The following PRTFDC1 variants were observed in gnomAD, a reference collection of about 807,000 sequenced individuals.
PRTFDC1 encodes the protein phosphoribosyl transferase domain containing 1, also known as phosphoribosyltransferase domain-containing protein 1.
In PRTFDC1, 38 loss-of-function variants were observed where a neutral mutation model predicts 34.6. The observed-to-expected ratio is 1.10, with a 90% CI of 0.85 to 1.44. The LOEUF is 1.44. Among genes scored for constraint, PRTFDC1 ranks in the 40% most tolerant of loss-of-function variants. The pLI, the probability that PRTFDC1 is intolerant of heterozygous loss-of-function variation, is 0.00. For missense variants in PRTFDC1, 270 were observed against 283.0 expected (o/e 0.95, Z 0.33); for synonymous variants, 93 against 98.1 (o/e 0.95, Z 0.31).
intron 3 of PRTFDC1, among the ~76,000 whole-genome samples, chr10:24,924,974 T>C (rs1337816013): frequency 1.3e-5 from 2 of 152,212 alleles, no homozygotes; most frequent in Non-Finnish European, 2.9e-5. Flanking sequence ...ACTGGGTATA[T>C]ACCCAAAGGA....
At chr10:24,882,227 A>G (rs1471840865) in intron 3 of PRTFDC1, among the ~76,000 whole-genome samples, 2 of 151,496 alleles carry the variant, frequency 1.3e-5, no homozygotes, top group Admixed American at 1.3e-4. Context: ...AAAGAAAAGA[A>G]AAGAAAAAGA....
At chr10:24,944,785 GAAAAAT>G (rs1380541420) in intron 1 of PRTFDC1, among the ~76,000 whole-genome samples, 1 of 151,972 alleles carries the variant, frequency 6.6e-6, no homozygotes, top group Non-Finnish European at 1.5e-5. Context: ...CTTGTCTCTC[GAAAAAT>G]AAAAATAAAA....
intron 3 of PRTFDC1, among the ~76,000 whole-genome samples, chr10:24,916,330 C>A (rs549273148): frequency 1.4e-4 from 21 of 152,306 alleles, no homozygotes; most frequent in Admixed American, 4.6e-4. Context: ...CTATTCTCAG[C>A]ACCACACACA....
intron 1 of PRTFDC1, among the ~76,000 whole-genome samples, chr10:24,943,707 G>T (rs1201670121): frequency 2.0e-5 from 3 of 151,974 alleles, no homozygotes; most frequent in Non-Finnish European, 4.4e-5. Context: ...GTGCCACCAT[G>T]CCCAGCTAAT....
intron 3 of PRTFDC1, among the ~76,000 whole-genome samples, chr10:24,924,571 A>T (rs572356689): frequency 6.6e-6 from 1 of 152,232 alleles, no homozygotes; most frequent in Non-Finnish European, 1.5e-5. Flanking sequence ...CAATCTACCC[A>T]TCTGACAAAG....
intron 3 of PRTFDC1, among the ~76,000 whole-genome samples, chr10:24,884,681 G>A (rs1186113174): frequency 6.6e-6 from 1 of 152,208 alleles, no homozygotes; most frequent in Admixed American, 6.5e-5. Flanking sequence ...CATGTATGCT[G>A]AAGTAGGCCT....
At chr10:24,912,268 CAAAAAAAAAAAAAA>C (rs58294462) in intron 3 of PRTFDC1, among the ~76,000 whole-genome samples, 3 of 53,942 alleles carry the variant, frequency 5.6e-5, no homozygotes, top group African/African-American at 2.1e-4. Context: ...GACTTCATCT[CAAAAAAAAAAAAAA>C]AAAAAAAAAA....
intron 3 of PRTFDC1, among the ~76,000 whole-genome samples, chr10:24,873,342 A>G (rs10828716): frequency 0.12 from 18,500 of 152,208 alleles, 1,412 homozygotes; most frequent in South Asian, 0.22. Context: ...CAGCCTCATT[A>G]CAGACCCACA....
rs1307543853 is a variant in PRTFDC1, at chr10:24,882,175, C to T, written c.340-10112G>A. On this transcript the variant is annotated intron_variant, in intron 3 of 8. Transcript: ENST00000320152. The stretch of plus-strand genomic sequence containing the variant: ...TGAGTCGAGATCTTGCCACTTCACT[C>T]CAGCCTGGGTGACAGAGCGGATCTG... 2.1e-5 allele frequency among the ~76,000 whole-genome samples: 3 copies of T among 143,122 alleles called. No homozygotes were observed. In the East Asian group the frequency reaches 6.0e-4, roughly 29 times the overall value. 93.9% of individuals were successfully genotyped at this position (143,122 alleles called of 152,430 possible). A position where few individuals can be genotyped will look rare whatever the true frequency, so the allele number is the denominator to read the frequency against.
intron 3 of PRTFDC1, among the ~76,000 whole-genome samples, chr10:24,880,267 T>G (rs1279605208): frequency 3.1e-4 from 47 of 151,856 alleles, no homozygotes; most frequent in Admixed American, 3.0e-3. Flanking sequence ...TTTTTTTTTT[T>G]GTTGAGACAG....
At chr10:24,867,480 T>C (rs545648226) in intron 4 of PRTFDC1, among the ~76,000 whole-genome samples, 10 of 152,344 alleles carry the variant, frequency 6.6e-5, no homozygotes, top group African/African-American at 1.9e-4. Flanking sequence ...TCCTGTTTGC[T>C]TTGCTGAGCA....
chr10:24,940,376 T>G (rs906110913), intron 2 of PRTFDC1, among the ~76,000 whole-genome samples: 21 of 152,146 alleles, frequency 1.4e-4, no homozygotes, highest in South Asian at 2.1e-4. Flanking sequence ...TATAGTTCAA[T>G]AAGAAGATGA....
chr10:24,857,775 T>C (rs1565256608), intron 5 of PRTFDC1, among the ~76,000 whole-genome samples: 1 of 151,848 alleles, frequency 6.6e-6, no homozygotes, highest in Non-Finnish European at 1.5e-5. Context: ...TTTTTTGCTG[T>C]TTGATGAGAC....
chr10:24,896,125 T>A (rs553891453), intron 3 of PRTFDC1, among the ~76,000 whole-genome samples: 1 of 152,194 alleles, frequency 6.6e-6, no homozygotes, highest in South Asian at 2.1e-4. Context: ...AACCCCAGGC[T>A]GTGGATTGGT....
At chr10:24,929,001 A>G (rs1848927144) in intron 3 of PRTFDC1, among the ~76,000 whole-genome samples, 1 of 145,458 alleles carries the variant, frequency 6.9e-6, no homozygotes, top group East Asian at 2.1e-4. Flanking sequence ...GATCGCAGCC[A>G]CTGCACTCCA....
At chr10:24,854,298 C>T (rs1025234605) in intron 7 of PRTFDC1, among the ~76,000 whole-genome samples, 2 of 152,104 alleles carry the variant, frequency 1.3e-5, no homozygotes, top group Non-Finnish European at 2.9e-5. Context: ...CCAGATTATA[C>T]CTTTGATAAT....
At chr10:24,851,931 C>T (rs748988286) in intron 7 of PRTFDC1, among the ~76,000 whole-genome samples, 1 of 151,932 alleles carries the variant, frequency 6.6e-6, no homozygotes, top group South Asian at 2.1e-4. Context: ...CCGCTGTACT[C>T]AGTGTCTTGG....
intron 3 of PRTFDC1, among the ~76,000 whole-genome samples, chr10:24,873,571 C>T (rs1847913106): frequency 6.6e-6 from 1 of 152,214 alleles, no homozygotes; most frequent in Non-Finnish European, 1.5e-5. Context: ...AAGAGGCCCT[C>T]CCTCTTCCTG....
At chr10:24,927,707 G>A (rs905127983) in intron 3 of PRTFDC1, among the ~76,000 whole-genome samples, 1 of 150,462 alleles carries the variant, frequency 6.6e-6, no homozygotes, top group African/African-American at 2.5e-5. Flanking sequence ...TCAGCCTCCC[G>A]AGTAGCTGGG....
Sources: gnomAD v4.1 joint callset for allele counts (sites outside exome capture counted in the v4.1 genomes callset) on GRCh38, gnomAD v4.1.1 for gene constraint, MANE v1.5 for transcripts, NCBI Gene and HGNC (gene_info 2026-07-23, HGNC 2026-07-21) for gene names.